The following TP53BP2 variants were observed in gnomAD, a reference collection of about 807,000 sequenced individuals.
TP53BP2 encodes apoptosis-stimulating of p53 protein 2.
A neutral mutation model predicts 126.2 loss-of-function variants in TP53BP2; 62 were observed. That is an observed-to-expected ratio of 0.49 (90% CI 0.40 to 0.61). The LOEUF is 0.61. Ranked by LOEUF, TP53BP2 falls within the 20% of genes least tolerant of loss-of-function variation. The pLI, the probability that TP53BP2 is intolerant of heterozygous loss-of-function variation, is 0.00. For synonymous variants in TP53BP2, 485 were observed against 502.9 expected (o/e 0.96, Z 0.48); for missense variants, 1,215 against 1,402.8 (o/e 0.87, Z 2.14).
At chr1:223,785,195 G>A (rs1217412013) in intron 16 of TP53BP2, among the ~76,000 whole-genome samples, 2 of 152,134 alleles carry the variant, frequency 1.3e-5, no homozygotes, top group Non-Finnish European at 2.9e-5. Context: ...TAAAAACCAG[G>A]AAAATACTTG....
chr1:223,843,851 TGA>T (rs1465241538), intron 1 of TP53BP2, among the ~76,000 whole-genome samples: 5 of 152,214 alleles, frequency 3.3e-5, no homozygotes, highest in Admixed American at 3.3e-4. Flanking sequence ...ACATATAACA[TGA>T]GTCTACTAAA....
chr1:223,845,634 C>G lies in TP53BP2; in HGVS notation c.27+20G>C, dbSNP rs1300963924. ...CCCGCACACTTCCGGGCCCGACGCC[C>G]TGGCCGCTCGCCCACTTACCGGCAT... On this transcript the variant is annotated intron_variant, in intron 1 of 17. Coordinates refer to ENST00000343537, the MANE Select transcript of TP53BP2 (RefSeq NM_001031685.3). 5.2e-6 allele frequency: 8 copies of G among 1,549,978 alleles called. No homozygotes were observed. In the East Asian group the frequency reaches 2.1e-4, roughly 40 times the overall value.
intron 1 of TP53BP2, among the ~76,000 whole-genome samples, chr1:223,841,769 C>T (rs1026479271): frequency 6.6e-6 from 1 of 152,088 alleles, no homozygotes; most frequent in Non-Finnish European, 1.5e-5. Flanking sequence ...AAATTAGAAG[C>T]TCAAATTTTA....
intron 4 of TP53BP2, among the ~76,000 whole-genome samples, chr1:223,810,069 A>G (rs1231800586): frequency 6.6e-6 from 1 of 152,126 alleles, no homozygotes; most frequent in Non-Finnish European, 1.5e-5. Context: ...CAGGTGAGTC[A>G]CCCACCTCAG....
chr1:223,834,895 A>G (rs1465772186), intron 1 of TP53BP2: 1 of 982,960 alleles, frequency 1.0e-6, no homozygotes, highest in Non-Finnish European at 1.2e-6. Flanking sequence ...AGTTGTCTGT[A>G]TCCCTGTCTT....
chr1:223,825,026 A>AACACACAC (rs3058420), intron 1 of TP53BP2, among the ~76,000 whole-genome samples: 2,956 of 143,520 alleles, frequency 0.021, 117 homozygotes, highest in African/African-American at 0.071. Flanking sequence ...TCCAACACCA[A>AACACACAC]ACACACACAC....
chr1:223,837,495 T>C (rs1229818780), intron 1 of TP53BP2, among the ~76,000 whole-genome samples: 1 of 152,174 alleles, frequency 6.6e-6, no homozygotes, highest in African/African-American at 2.4e-5. Context: ...TAAGTGCTAC[T>C]GTTTCTCCTC....
chr1:223,820,838 T>C (rs1156939665), intron 2 of TP53BP2, among the ~76,000 whole-genome samples: 1 of 152,220 alleles, frequency 6.6e-6, no homozygotes, highest in Middle Eastern at 3.2e-3. Flanking sequence ...TGTCTGCCAC[T>C]ACAGTTCCTC....
chr1:223,828,523 A>G (rs1177689471), intron 1 of TP53BP2, among the ~76,000 whole-genome samples: 3 of 152,218 alleles, frequency 2.0e-5, no homozygotes, highest in Non-Finnish European at 4.4e-5. Context: ...TGGAAGACAA[A>G]TATCTGTTGA....
chr1:223,785,749 T>C (rs1397150955), intron 16 of TP53BP2, among the ~76,000 whole-genome samples: 1 of 151,948 alleles, frequency 6.6e-6, no homozygotes, highest in East Asian at 1.9e-4. Context: ...AGATTAAGAG[T>C]TGTAGATTAC....
intron 1 of TP53BP2, among the ~76,000 whole-genome samples, chr1:223,827,541 T>A (rs1558107620): frequency 6.6e-6 from 1 of 152,194 alleles, no homozygotes; most frequent in Non-Finnish European, 1.5e-5. Context: ...TCTTCCAGTG[T>A]GTTCTGCCCT....
chr1:223,827,079 C>T (rs1347108451), intron 1 of TP53BP2, among the ~76,000 whole-genome samples: 1 of 152,104 alleles, frequency 6.6e-6, no homozygotes, highest in Non-Finnish European at 1.5e-5. Flanking sequence ...AAATATGAGA[C>T]ACCTATGGAA....
chr1:223,797,937 T>C (rs569315371), intron 12 of TP53BP2, among the ~76,000 whole-genome samples: 48 of 152,276 alleles, frequency 3.2e-4, no homozygotes, highest in African/African-American at 1.1e-3. Flanking sequence ...ACCTTCCTTC[T>C]GCACTGTAAT....
At chr1:223,821,036 A>G in intron 2 of TP53BP2, 184 bp downstream of exon 2, 1 of 723,996 alleles carries the variant, frequency 1.4e-6, no homozygotes, top group Non-Finnish European at 2.2e-6. Flanking sequence ...TATTGGAGAA[A>G]AAGAAAACCG....
chr1:223,800,843 A>C, intron 9 of TP53BP2, 33 bp from the exon 10 acceptor site: 10 of 1,457,284 alleles, frequency 6.9e-6, no homozygotes, highest in South Asian at 2.5e-5. Context: ...CAAATAACTC[A>C]GCATTCTAAA....
In TP53BP2 at chr1:223,800,724, TTTGAG is replaced by T; in HGVS notation, c.1307_1311del (p.Pro436GlnfsTer10). The stretch of plus-strand genomic sequence containing the variant: ...CCTTGATCCAGAGCATTCCCAGTGC[TTTGAG>T]GTACAGAAGCAGAGCCTTGGCTTGG... On this transcript the variant is annotated frameshift_variant, in exon 10 of 18. Coordinates refer to ENST00000343537, the MANE Select transcript of TP53BP2 (RefSeq NM_001031685.3). LOFTEE classifies it high-confidence loss of function. The T allele has an allele frequency of 6.2e-7, 1 of 1,605,974 alleles. No individual in the cohort carries two copies. The highest frequency in any genetic ancestry group is 1.3e-5 in the African/African-American group (1 of 74,320).
chr1:223,817,888 T>C (rs1225872887), intron 2 of TP53BP2, among the ~76,000 whole-genome samples: 1 of 145,916 alleles, frequency 6.9e-6, no homozygotes. Context: ...ATGGTGCCAC[T>C]GCACTCCAGC....
intron 5 of TP53BP2, 72 bp from the exon 6 acceptor site, chr1:223,804,420 G>GC: frequency 7.3e-7 from 1 of 1,368,888 alleles, no homozygotes; most frequent in Admixed American, 1.8e-5. Flanking sequence ...TAGCCTAACT[G>GC]CAACACTTAG....
At chr1:223,816,241 G>C (rs1663082843) in intron 2 of TP53BP2, among the ~76,000 whole-genome samples, 1 of 152,162 alleles carries the variant, frequency 6.6e-6, no homozygotes, top group African/African-American at 2.4e-5. Context: ...TCTCAATCAA[G>C]TGCAGTCCCT....
Sources: gnomAD v4.1 joint callset for allele counts (sites outside exome capture counted in the v4.1 genomes callset) on GRCh38, gnomAD v4.1.1 for gene constraint, MANE v1.5 for transcripts, NCBI Gene and HGNC (gene_info 2026-07-23, HGNC 2026-07-21) for gene names.